Variants in LRRC59 observed in about 807,000 individuals in gnomAD.
The protein encoded by LRRC59 is leucine-rich repeat-containing protein 59.
Under a neutral mutation model 33.5 loss-of-function variants are expected in LRRC59, and 18 were observed. That is an observed-to-expected ratio of 0.54 (90% CI 0.37 to 0.80). The LOEUF is 0.80. Among genes scored for constraint, LRRC59 ranks in the 30% least tolerant of loss-of-function variants. LRRC59 has a pLI of 0.00. For synonymous variants in LRRC59, 138 were observed against 160.0 expected (o/e 0.86, Z 1.04); for missense variants, 330 against 391.9 (o/e 0.84, Z 1.33).
intron 5 of LRRC59, among the ~76,000 whole-genome samples, chr17:50,386,837 A>G (rs556946507): frequency 6.6e-6 from 1 of 152,348 alleles, no homozygotes; most frequent in South Asian, 2.1e-4. Flanking sequence ...AGCACCTACT[A>G]TGTGCCAGGG....
Position 50,382,744 on chromosome 17 carries a change from C to T in LRRC59, c.*244G>A. ...CTCTCTCCCCACCCCCAAGCCTACT[C>T]CTTTAGGCATGCAGGTAACTGCCCC... On this transcript the variant is annotated 3_prime_UTR_variant, in exon 7 of 7. Coordinates refer to ENST00000225972, the MANE Select transcript of LRRC59 (RefSeq NM_018509.4). 1 of 553,578 alleles carries T rather than the reference C, an allele frequency of 1.8e-6. No homozygotes were observed. The highest frequency in any genetic ancestry group is 3.2e-6 in the Non-Finnish European group (1 of 312,058). The allele number at this position is 553,578 out of a possible 1,614,324, so 34.3% of individuals were successfully genotyped here.
rs1010650655 is a variant in LRRC59, at chr17:50,382,638, T to C, written c.*350A>G. On this transcript the variant is annotated 3_prime_UTR_variant, in exon 7 of 7. Coordinates refer to ENST00000225972, the MANE Select transcript of LRRC59 (RefSeq NM_018509.4). Reference sequence around the variant, plus strand: ...GGTTTGTGGCATACAAAAGTATAAATGTAGTGACAGCTGACCATTTAGTAG... The same window carrying C: ...GGTTTGTGGCATACAAAAGTATAAACGTAGTGACAGCTGACCATTTAGTAG... 5 of 274,858 alleles carry C rather than the reference T, an allele frequency of 1.8e-5. No homozygotes were observed. Among genetic ancestry groups the C allele is most frequent in the African/African-American group, 1.1e-4 (5 of 45,648 alleles). 17.0% of individuals were successfully genotyped at this position (274,858 alleles called of 1,614,324 possible).
chr17:50,386,987 G>A (rs891416562), intron 5 of LRRC59, among the ~76,000 whole-genome samples: 10 of 152,326 alleles, frequency 6.6e-5, no homozygotes, highest in Middle Eastern at 3.4e-3. Context: ...ACTAGCAGAG[G>A]GGCACCTGTA....
In LRRC59 at chr17:50,389,278, C is replaced by T. The variant is rs145259551; in HGVS notation, c.430-1146G>A. On this transcript the variant is annotated intron_variant, in intron 4 of 6. Transcript: ENST00000225972. ...CTAACCACACAATCACAAAGATTCT[C>T]GCTATGGTGGGTGGAGGAGGTAAAG... 1.1e-3 allele frequency among the ~76,000 whole-genome samples: 166 copies of T among 152,262 alleles called. 1 individual carries two copies. Among genetic ancestry groups the T allele is most frequent in the African/African-American group, 3.9e-3 (161 of 41,534 alleles).
intron 5 of LRRC59, among the ~76,000 whole-genome samples, chr17:50,386,691 C>T (rs1210101966): frequency 6.6e-6 from 1 of 152,142 alleles, no homozygotes; most frequent in Non-Finnish European, 1.5e-5. Context: ...GCCACAGTGG[C>T]CATGCGTAAT....
In LRRC59 at chr17:50,381,575, T is replaced by C. The variant is rs1224770797; in HGVS notation, c.*1413A>G. On this transcript the variant is annotated 3_prime_UTR_variant, in exon 7 of 7. Transcript: ENST00000225972. ...AAAGTCCTTTCTTCCAATATCAGGA[T>C]AGTCATGAGTTGCAGTCCCATCCAA... 1 of 152,964 alleles carries C rather than the reference T, an allele frequency of 6.5e-6. No homozygotes were observed. Among genetic ancestry groups the C allele is most frequent in the African/African-American group, 2.4e-5 (1 of 41,470 alleles). The allele number at this position is 152,964 out of a possible 1,614,324, so 9.5% of individuals were successfully genotyped here. A position where few individuals can be genotyped will look rare whatever the true frequency, so the allele number is the denominator to read the frequency against.
chr17:50,387,154 A>G (rs921041128), intron 5 of LRRC59, among the ~76,000 whole-genome samples: 3 of 152,112 alleles, frequency 2.0e-5, no homozygotes, highest in Non-Finnish European at 4.4e-5. Context: ...AGAGGGTATG[A>G]CAGAGTGACA....
At position 50,382,912 on chromosome 17, in the gene LRRC59, G is replaced by A. The variant is rs1334665175; in HGVS notation, c.*76C>T. 7.1e-6 allele frequency: 11 copies of A among 1,546,060 alleles called. No individual in the cohort carries two copies. The highest frequency in any genetic ancestry group is 3.7e-5 in the Admixed American group (2 of 54,046). ...GCAGGTAGGTCTGATGCTAAAAAGA[G>A]GTTGTGTCCAGCAGAACCCAATTCC... On this transcript the variant is annotated 3_prime_UTR_variant, in exon 7 of 7. Transcript: ENST00000225972.
rs532305450 is a variant in LRRC59 at position 50,392,362 on chromosome 17, G to A, written c.429+36C>T. ...AGGAGGAGGAGAAATCCCAGGGAGT[G>A]TATAAGGAGCCACTGGGAGGGAGCT... On this transcript the variant is annotated intron_variant, in intron 4 of 6. Transcript: ENST00000225972. The A allele has an allele frequency of 1.4e-5, 22 of 1,527,488 alleles. 1 individual carries two copies. The South Asian group carries it at 2.4e-4, about 16-fold the overall frequency. The allele number at this position is 1,527,488 out of a possible 1,614,324, so 94.6% of individuals were successfully genotyped here.
At position 50,392,783 on chromosome 17, in the gene LRRC59, TGAG is replaced by T; in HGVS notation, c.277_279del (p.Leu93del). 6 of 1,614,102 alleles carry T rather than the reference TGAG, an allele frequency of 3.7e-6. No individual in the cohort carries two copies. Among genetic ancestry groups the T allele is most frequent in the Non-Finnish European group, 5.1e-6 (6 of 1,180,006 alleles). On this transcript the variant is annotated inframe_deletion, in exon 3 of 7. Coordinates refer to ENST00000225972, the MANE Select transcript of LRRC59 (RefSeq NM_018509.4). ...ACAGGCAAGGTGACCAGCTTGTTGT[TGAG>T]GAGATCCAGGTGCTGGAGGTTGACC...
At chr17:50,393,275 A>G (rs1159675001) in intron 2 of LRRC59, among the ~76,000 whole-genome samples, 1 of 152,198 alleles carries the variant, frequency 6.6e-6, no homozygotes, top group Non-Finnish European at 1.5e-5. Flanking sequence ...TATGTATGGA[A>G]AAGGGCTTAG....
chr17:50,397,357 GC>G lies in LRRC59; in HGVS notation c.-41del. On this transcript the variant is annotated 5_prime_UTR_variant, in exon 1 of 7. Transcript: ENST00000225972. Reference sequence around the variant, plus strand: ...AGCGGGCCCCGGCTCCGGGGTTCCGGCGGGTGAAAGGAGCTGAAATGTCGCT... The same window carrying G: ...AGCGGGCCCCGGCTCCGGGGTTCCGGGGGTGAAAGGAGCTGAAATGTCGCT... 2 of 1,523,630 alleles carry G rather than the reference GC, an allele frequency of 1.3e-6. No individual in the cohort carries two copies. The highest frequency in any genetic ancestry group is 3.6e-5 in the Admixed American group (2 of 56,338). The allele number at this position is 1,523,630 out of a possible 1,614,324, so 94.4% of individuals were successfully genotyped here. A position where few individuals can be genotyped will look rare whatever the true frequency, so the allele number is the denominator to read the frequency against.
At position 50,382,826 on chromosome 17, in the gene LRRC59, GGAAT is replaced by G; in HGVS notation, c.*158_*161del. 1 of 853,162 alleles carries G rather than the reference GGAAT, an allele frequency of 1.2e-6. No individual in the cohort carries two copies. Among genetic ancestry groups the G allele is most frequent in the Non-Finnish European group, 1.7e-6 (1 of 585,262 alleles). 52.8% of individuals were successfully genotyped at this position (853,162 alleles called of 1,614,324 possible). ...CATTCCTTCAGGGAACCCTGACTAAGGAATGAAGAAGTCCTACAAAGAGGAGGTC... is the reference window on the plus strand; with the variant it reads ...CATTCCTTCAGGGAACCCTGACTAAGGAAGAAGTCCTACAAAGAGGAGGTC... On this transcript the variant is annotated 3_prime_UTR_variant, in exon 7 of 7. Transcript: ENST00000225972.
At chr17:50,386,262 T>C (rs1252853481) in intron 5 of LRRC59, 5 of 152,182 alleles carry the variant, frequency 3.3e-5, no homozygotes, top group African/African-American at 1.2e-4. Context: ...TTGACTAGTC[T>C]TAAAAAACAA....
intron 1 of LRRC59, chr17:50,396,915 G>A (rs1432535359): frequency 7.5e-6 from 3 of 397,458 alleles, no homozygotes; most frequent in Admixed American, 4.4e-5. Flanking sequence ...AGTCGGGCAC[G>A]GAGGTGGGCG....
intron 4 of LRRC59, among the ~76,000 whole-genome samples, chr17:50,392,153 T>C (rs997450971): frequency 6.6e-6 from 1 of 152,152 alleles, no homozygotes; most frequent in Non-Finnish European, 1.5e-5. Context: ...TGGGCCGAGA[T>C]TGTGCCACTT....
At chr17:50,386,713 G>A (rs933867599) in intron 5 of LRRC59, among the ~76,000 whole-genome samples, 18 of 152,160 alleles carry the variant, frequency 1.2e-4, no homozygotes, top group African/African-American at 4.3e-4. Flanking sequence ...AGGGATGGCT[G>A]TAACTTGGCA....
chr17:50,392,666 C>T, intron 3 of LRRC59, 73 bp downstream of exon 3: 3 of 1,584,016 alleles, frequency 1.9e-6, no homozygotes, highest in South Asian at 2.3e-5. Flanking sequence ...GTCAGCCTTT[C>T]TCAGGGCCGT....
At chr17:50,384,872 T>C (rs1468318) in intron 6 of LRRC59, among the ~76,000 whole-genome samples, 99,360 of 151,788 alleles carry the variant, frequency 0.65, 33,253 homozygotes, top group African/African-American at 0.7. Flanking sequence ...TGGGAATGCT[T>C]CAAGATACAT....
Sources: allele counts gnomAD v4.1 joint callset (sites outside exome capture counted in the v4.1 genomes callset), GRCh38; gene constraint gnomAD v4.1.1; transcripts MANE v1.5; gene names NCBI Gene and HGNC (gene_info 2026-07-23, HGNC 2026-07-21).